SMPD3: variants seen among roughly 807,000 people sequenced by gnomAD.
SMPD3 encodes nSMase-2.
A neutral mutation model predicts 55.7 loss-of-function variants in SMPD3; 21 were observed. The ratio of observed to expected loss-of-function variants is 0.38; its 90% CI spans 0.27 to 0.54. The LOEUF is 0.54. Among genes scored for constraint, SMPD3 ranks in the 20% least tolerant of loss-of-function variants. SMPD3 has a pLI of 0.80. For synonymous variants in SMPD3, 457 were observed against 404.3 expected (o/e 1.13, Z -1.56); for missense variants, 842 against 899.6 (o/e 0.94, Z 0.82).
rs1374834169 is a variant in SMPD3 at position 68,358,580 on chromosome 16, C to T, written c.*2626G>A. ...ACAGAAATTAAAAAAGTTTTTATAA[C>T]AGTATTTCTAAATCTCAGCAAGTTA... On this transcript the variant is annotated 3_prime_UTR_variant, in exon 9 of 9. Coordinates refer to ENST00000219334, the MANE Select transcript of SMPD3 (RefSeq NM_018667.4). 7 of 152,600 alleles carry T rather than the reference C, an allele frequency of 4.6e-5. No homozygotes were observed. Among genetic ancestry groups the T allele is most frequent in the African/African-American group, 1.7e-4 (7 of 41,438 alleles). The allele number at this position is 152,600 out of a possible 1,614,324, so 9.5% of individuals were successfully genotyped here. A position where few individuals can be genotyped will look rare whatever the true frequency, so the allele number is the denominator to read the frequency against.
chr16:68,374,209 G>T (rs143429992), intron 2 of SMPD3, among the ~76,000 whole-genome samples: 4 of 152,236 alleles, frequency 2.6e-5, no homozygotes, highest in Admixed American at 2.6e-4. Context: ...CCAGAGAGGG[G>T]GCAGCTGTTT....
rs996735312 is a variant in SMPD3, at chr16:68,447,630, C to T, written c.-269+723G>A. Among the ~76,000 whole-genome samples, 27 of 152,176 alleles carry T rather than the reference C, an allele frequency of 1.8e-4. No homozygotes were observed. Among genetic ancestry groups the T allele is most frequent in the African/African-American group, 5.8e-4 (24 of 41,440 alleles). On this transcript the variant is annotated intron_variant, in intron 1 of 8. Transcript: ENST00000219334. This position sits in a 1 kb window ranked among gnomAD's most constrained non-coding sequence, Gnocchi z 5.1. ...TTCCGAGTGTCAGTGCTTTCCTCCA[C>T]CCGCGACTCCGAGAAGGATGGGGAG...
intron 1 of SMPD3, among the ~76,000 whole-genome samples, chr16:68,426,542 G>A (rs1385917210): frequency 6.6e-6 from 1 of 152,146 alleles, no homozygotes; most frequent in East Asian, 1.9e-4. Context: ...GTTGCCAGGG[G>A]GAGCTACTGA....
At chr16:68,406,218 T>C (rs1467185821) in intron 1 of SMPD3, among the ~76,000 whole-genome samples, 4 of 152,218 alleles carry the variant, frequency 2.6e-5, no homozygotes, top group Non-Finnish European at 4.4e-5. Flanking sequence ...TTGCCATTTA[T>C]CTAAATTAGA....
Position 68,358,559 on chromosome 16 carries a change from A to G in SMPD3, c.*2647T>C, listed in dbSNP as rs2088984180. On this transcript the variant is annotated 3_prime_UTR_variant, in exon 9 of 9. Transcript: ENST00000219334. ...AGATACAATACAGAAAAAAATACAG[A>G]AATTAAAAAAGTTTTTATAACAGTA... 1 of 152,678 alleles carries G rather than the reference A, an allele frequency of 6.5e-6. No homozygotes were observed. The highest frequency in any genetic ancestry group is 6.5e-5 in the Admixed American group (1 of 15,288). The allele number at this position is 152,678 out of a possible 1,614,324, so 9.5% of individuals were successfully genotyped here.
At chr16:68,445,440 G>A (rs2090602328) in intron 1 of SMPD3, among the ~76,000 whole-genome samples, 2 of 152,194 alleles carry the variant, frequency 1.3e-5, no homozygotes, top group South Asian at 4.1e-4. Context: ...TTCCATAGAG[G>A]TGAAGACAGC....
intron 3 of SMPD3, 119 bp downstream of exon 3, chr16:68,370,740 C>T: frequency 1.5e-6 from 2 of 1,349,782 alleles, no homozygotes; most frequent in East Asian, 2.5e-5. Context: ...GTCTGCCTCC[C>T]ACTCCAACCT....
intron 1 of SMPD3, among the ~76,000 whole-genome samples, chr16:68,409,281 T>C (rs1470233487): frequency 2.6e-5 from 4 of 151,632 alleles, no homozygotes; most frequent in Non-Finnish European, 5.9e-5. Context: ...TCCTGAGAGG[T>C]GAGGGATGTG....
chr16:68,436,502 G>C (rs1386602818), intron 1 of SMPD3, among the ~76,000 whole-genome samples: 2 of 152,140 alleles, frequency 1.3e-5, no homozygotes, highest in Non-Finnish European at 1.5e-5. Context: ...TCTAGGACTT[G>C]AGTACCAAGC....
Position 68,447,607 on chromosome 16 carries a change from C to A in SMPD3, c.-269+746G>T, listed in dbSNP as rs1216469272. Among the ~76,000 whole-genome samples the A allele has an allele frequency of 1.3e-5, 2 of 152,098 alleles. No individual in the cohort carries two copies. Among genetic ancestry groups the A allele is most frequent in the Non-Finnish European group, 1.5e-5 (1 of 68,004 alleles). On this transcript the variant is annotated intron_variant, in intron 1 of 8. Coordinates refer to ENST00000219334, the MANE Select transcript of SMPD3 (RefSeq NM_018667.4). This position sits in a 1 kb window ranked among gnomAD's most constrained non-coding sequence, Gnocchi z 5.1. Reference sequence around the variant, plus strand: ...GGCGCGGGCCCGAGCGCGGGGGATTCCGAGTGTCAGTGCTTTCCTCCACCC... The same window carrying A: ...GGCGCGGGCCCGAGCGCGGGGGATTACGAGTGTCAGTGCTTTCCTCCACCC...
rs372483469 is a variant in SMPD3, at chr16:68,427,369, C to A, written c.-269+20984G>T. On this transcript the variant is annotated intron_variant, in intron 1 of 8. Transcript: ENST00000219334. ...TTTCTGTATCGTCAAACTTGCCAGA[C>A]GGCAAGGAAGAACTGGGAGGAATAA... Among the ~76,000 whole-genome samples, 249 of 152,236 alleles carry A rather than the reference C, an allele frequency of 1.6e-3. 3 individuals are homozygous for A. Among genetic ancestry groups the A allele is most frequent in the African/African-American group, 5.6e-3 (234 of 41,526 alleles).
chr16:68,430,944 T>C (rs1303501468), intron 1 of SMPD3, among the ~76,000 whole-genome samples: 1 of 152,210 alleles, frequency 6.6e-6, no homozygotes, highest in Non-Finnish European at 1.5e-5. Context: ...GTGCACATTG[T>C]TGCTGGAAGC....
rs753904662 is a variant in SMPD3, at chr16:68,361,580, G to T, written c.1866+23C>A. On this transcript the variant is annotated intron_variant, in intron 8 of 8. Transcript: ENST00000219334. ...CCTGCTCTCTCTTTGCATGGCCCTG[G>T]CTGCTGGGCCCTCCTGACTCACGGC... 3 of 1,603,776 alleles carry T rather than the reference G, an allele frequency of 1.9e-6. No individual in the cohort carries two copies. The South Asian group carries it at 3.3e-5, about 18-fold the overall frequency.
Position 68,370,926 on chromosome 16 carries a change from G to A in SMPD3, c.1256C>T (p.Ala419Val). 2 of 1,614,150 alleles carry A rather than the reference G, an allele frequency of 1.2e-6. No homozygotes were observed. The highest frequency in any genetic ancestry group is 1.7e-6 in the Non-Finnish European group (2 of 1,180,022). Residue 419 changes from alanine (A) to valine (V), a missense_variant, in exon 3 of 9, where the codon GCC becomes GTC. Ala to Val is a moderately conservative substitution (Grantham distance 64). Coordinates refer to ENST00000219334, the MANE Select transcript of SMPD3 (RefSeq NM_018667.4). Reference protein sequence around the residue: ...FASRYPIMDVAYHCYPNKCND... With the variant: ...FASRYPIMDVVYHCYPNKCND... ...ACACTTGTTGGGGTAACAGTGATAG[G>A]CCACGTCCATGATGGGGTAGCGGCT...
In SMPD3 at chr16:68,365,060, T is replaced by A; in HGVS notation, c.1356A>T (p.Arg452Ser). The A allele has an allele frequency of 1.2e-6, 2 of 1,614,070 alleles. No homozygotes were observed. The highest frequency in any genetic ancestry group is 8.5e-7 in the Non-Finnish European group (1 of 1,180,008). ...GTGTGCAGGCGATGTACCCGACGAT[T>A]CTTTGGTCCTGAGGTGTGCTTCCCA... ...VQVGSTPQDQRIVGYIACTHL... is the reference protein window; with the variant it reads ...VQVGSTPQDQSIVGYIACTHL... Residue 452 changes from arginine (R) to serine (S), a missense_variant, in exon 4 of 9, where the codon AGA becomes AGT. Arg to Ser is a moderately radical substitution (Grantham distance 110). Transcript: ENST00000219334.
At chr16:68,386,988 C>T (rs1260270811) in intron 1 of SMPD3, among the ~76,000 whole-genome samples, 2 of 152,092 alleles carry the variant, frequency 1.3e-5, no homozygotes, top group South Asian at 4.2e-4. Context: ...GCAGGGGGTG[C>T]GGGGTGAAGG....
At chr16:68,397,803 C>T (rs1422472151) in intron 1 of SMPD3, among the ~76,000 whole-genome samples, 2 of 152,196 alleles carry the variant, frequency 1.3e-5, no homozygotes, top group African/African-American at 4.8e-5. Flanking sequence ...AAGCCTTCCC[C>T]CCTCCCCTGG....
rs373015214 is a variant in SMPD3 at position 68,384,874 on chromosome 16, C to T, written c.-207+1724G>A. ...AGCCCTGCCCCCTGCTGACCTGGAGCTGCAGCCAGAATGGCCTCATCTGAG... is the reference window on the plus strand; with the variant it reads ...AGCCCTGCCCCCTGCTGACCTGGAGTTGCAGCCAGAATGGCCTCATCTGAG... On this transcript the variant is annotated intron_variant, in intron 2 of 8. Coordinates refer to ENST00000219334, the MANE Select transcript of SMPD3 (RefSeq NM_018667.4). 9.2e-5 allele frequency among the ~76,000 whole-genome samples: 14 copies of T among 152,286 alleles called. No homozygotes were observed. In the East Asian group the frequency reaches 2.5e-3, roughly 27 times the overall value.
At chr16:68,394,037 T>TCC (rs948380810) in intron 1 of SMPD3, among the ~76,000 whole-genome samples, 28 of 152,236 alleles carry the variant, frequency 1.8e-4, no homozygotes, top group Non-Finnish European at 4.1e-4. Flanking sequence ...GGATAATTTA[T>TCC]AATTCAAAAT....
Sources: allele counts gnomAD v4.1 joint callset (sites outside exome capture counted in the v4.1 genomes callset), GRCh38; gene constraint gnomAD v4.1.1; non-coding constraint Gnocchi (gnomAD v3.1); transcripts MANE v1.5; gene names NCBI Gene and HGNC (gene_info 2026-07-23, HGNC 2026-07-21).